The following PCDHA1 variants were observed in gnomAD, a reference collection of about 807,000 sequenced individuals.
PCDHA1 encodes protocadherin alpha 1.
Under a neutral mutation model 61.3 loss-of-function variants are expected in PCDHA1, and 42 were observed. The observed-to-expected ratio is 0.69, with a 90% CI of 0.54 to 0.89. PCDHA1 has a LOEUF of 0.89. Among genes scored for constraint, PCDHA1 ranks in the 40% least tolerant of loss-of-function variants. The pLI is 0.00. For missense variants in PCDHA1, 1,256 were observed against 1,235.3 expected (o/e 1.02, Z -0.25); for synonymous variants, 610 against 553.8 (o/e 1.10, Z -1.43).
rs540789660 is a variant in PCDHA1 at position 140,802,461 on chromosome 5, G to T, written c.2394+13777G>T. On this transcript the variant is annotated intron_variant, in intron 1 of 3. Transcript: ENST00000504120. The stretch of plus-strand genomic sequence containing the variant: ...GGACCGCGAGAGCGTGTCGGCCTAT[G>T]AGCTGGTGGTGACTGCTCGGGACGG... The T allele has an allele frequency of 5.0e-6, 8 of 1,614,214 alleles. No individual in the cohort carries two copies. In the African/African-American group the frequency reaches 1.1e-4, roughly 22 times the overall value.
At chr5:140,870,590 G>A (rs1238282556) in intron 1 of PCDHA1, 3 of 1,613,446 alleles carry the variant, frequency 1.9e-6, no homozygotes, top group Non-Finnish European at 2.5e-6. Flanking sequence ...CTGGTGGAGC[G>A]GCGGTTGGGC....
At position 140,853,803 on chromosome 5, in the gene PCDHA1, C is replaced by T. The variant is rs574954325; in HGVS notation, c.2394+65119C>T. ...GTAAGAGCAAATTTTCATTTTAAAG[C>T]ACACCTGAGATGATTCTCATACAAC... On this transcript the variant is annotated intron_variant, in intron 1 of 3. Transcript: ENST00000504120. 88 of 986,658 alleles carry T rather than the reference C, an allele frequency of 8.9e-5. 10 individuals are homozygous for T. The highest frequency in any genetic ancestry group is 1.9e-4 in the South Asian group (4 of 21,086). The allele number at this position is 986,658 out of a possible 1,614,324, so 61.1% of individuals were successfully genotyped here. A position where few individuals can be genotyped will look rare whatever the true frequency, so the allele number is the denominator to read the frequency against.
intron 1 of PCDHA1, among the ~76,000 whole-genome samples, chr5:140,872,243 T>A (rs1484959006): frequency 6.6e-6 from 1 of 152,192 alleles, no homozygotes; most frequent in African/African-American, 2.4e-5. Flanking sequence ...TCTTTATTCC[T>A]GTGATAATAC....
chr5:140,877,005 C>G, intron 1 of PCDHA1: 1 of 1,612,474 alleles, frequency 6.2e-7, no homozygotes, highest in Non-Finnish European at 8.5e-7. Context: ...TGTCGGTGCA[C>G]GCGGAGAGCG....
At chr5:140,942,618 G>A (rs2093340526) in intron 1 of PCDHA1, among the ~76,000 whole-genome samples, 1 of 97,740 alleles carries the variant, frequency 1.0e-5, no homozygotes. Context: ...TTTGCCAATT[G>A]TAAAAAAAAA....
At chr5:140,979,083 C>T (rs563728648) in intron 2 of PCDHA1, 76 bp downstream of exon 2, 207 of 1,562,578 alleles carry the variant, frequency 1.3e-4, no homozygotes, top group Admixed American at 6.5e-4. Context: ...TCTCCATAGG[C>T]CAGAAGCAGC....
rs199746737 is a variant in PCDHA1 at position 140,822,067 on chromosome 5, A to T, written c.2394+33383A>T. 1.9e-4 allele frequency: 311 copies of T among 1,614,078 alleles called. No individual in the cohort carries two copies. Among genetic ancestry groups the T allele is most frequent in the Non-Finnish European group, 2.4e-4 (286 of 1,180,038 alleles). On this transcript the variant is annotated intron_variant, in intron 1 of 3. Transcript: ENST00000504120. ...CGACCGGGAGGAGCTGTGCCGGCGGAGGGCGGAGTGCAGCATCCACCTGGA... is the reference window on the plus strand; with the variant it reads ...CGACCGGGAGGAGCTGTGCCGGCGGTGGGCGGAGTGCAGCATCCACCTGGA...
chr5:140,884,457 G>A, intron 1 of PCDHA1: 1 of 1,613,758 alleles, frequency 6.2e-7, no homozygotes, highest in Non-Finnish European at 8.5e-7. Flanking sequence ...CCCACCGAGG[G>A]CGCGTGCGCG....
intron 3 of PCDHA1, among the ~76,000 whole-genome samples, chr5:140,984,053 TC>T (rs2097083610): frequency 6.6e-6 from 1 of 152,154 alleles, no homozygotes; most frequent in Non-Finnish European, 1.5e-5. Flanking sequence ...CATTGACAAA[TC>T]TGTACCCTCA....
In PCDHA1 at chr5:140,842,663, G is replaced by A. The variant is rs2150341486; in HGVS notation, c.2394+53979G>A. The A allele has an allele frequency of 3.4e-5, 54 of 1,595,410 alleles. 5 individuals are homozygous for A. Among genetic ancestry groups the A allele is most frequent in the South Asian group, 1.5e-4 (14 of 90,476 alleles). ...CAGCTTGTCTGTGGAGGTGGCCGAC[G>A]TGAACGACAATGCTCCGGCGTTCGC... On this transcript the variant is annotated intron_variant, in intron 1 of 3. Transcript: ENST00000504120.
At chr5:140,807,790 C>G in intron 1 of PCDHA1, 1 of 1,614,150 alleles carries the variant, frequency 6.2e-7, no homozygotes, top group Non-Finnish European at 8.5e-7. Flanking sequence ...AATCTTTAGA[C>G]AGAGAAGAAG....
At chr5:140,989,105 T>G (rs550881823) in intron 3 of PCDHA1, 2 of 152,232 alleles carry the variant, frequency 1.3e-5, no homozygotes, top group African/African-American at 4.8e-5. Flanking sequence ...GAAACAACTT[T>G]TGAATATATC....
At chr5:140,803,585 A>G in intron 1 of PCDHA1, 8 of 1,614,244 alleles carry the variant, frequency 5.0e-6, no homozygotes, top group Non-Finnish European at 6.8e-6. Flanking sequence ...TTGATCTCTC[A>G]GCCAAAGTGA....
chr5:140,859,358 A>G (rs1470133461), intron 1 of PCDHA1: 1 of 254,184 alleles, frequency 3.9e-6, no homozygotes, highest in Non-Finnish European at 7.4e-6. Context: ...CTGATCTGAT[A>G]TATTGTATAG....
rs375481139 is a variant in PCDHA1 at position 140,894,977 on chromosome 5, C to T, written c.2395-83972C>T. ...AAAAATATAATTTTTTAATGTCTTA[C>T]TTTGTGACATCCTTTACCCTTTTTA... On this transcript the variant is annotated intron_variant, in intron 1 of 3. Coordinates refer to ENST00000504120, the MANE Select transcript of PCDHA1 (RefSeq NM_018900.4). Among the ~76,000 whole-genome samples the T allele has an allele frequency of 4.5e-4, 69 of 152,216 alleles. No homozygotes were observed. The South Asian group carries it at 0.014, about 30-fold the overall frequency.
intron 1 of PCDHA1, chr5:140,882,011 ATAC>A (rs1437092618): frequency 3.8e-6 from 2 of 531,314 alleles, no homozygotes; most frequent in Admixed American, 3.8e-5. Flanking sequence ...GGGCAAAAAA[ATAC>A]TACATCAATG....
intron 1 of PCDHA1, among the ~76,000 whole-genome samples, chr5:140,917,324 C>CGGGGGG (rs1299895515): frequency 3.9e-5 from 3 of 76,174 alleles, no homozygotes; most frequent in East Asian, 7.2e-4. Flanking sequence ...GTTCATGTGG[C>CGGGGGG]GGGGGAGGGG....
Position 141,010,554 on chromosome 5 carries a change from C to G in PCDHA1, c.*617C>G. On this transcript the variant is annotated 3_prime_UTR_variant, in exon 4 of 4. Transcript: ENST00000504120. ...CACCCTCTAGGAGACAAAACTACCC[C>G]CACTGACAAGGCTTTAGGAGACCCT... The G allele has an allele frequency of 3.1e-6, 1 of 322,198 alleles. No individual in the cohort carries two copies. The highest frequency in any genetic ancestry group is 9.3e-4 in the Middle Eastern group (1 of 1,074). 20.0% of individuals were successfully genotyped at this position (322,198 alleles called of 1,614,324 possible).
At chr5:140,987,045 C>G (rs1344958949) in intron 3 of PCDHA1, among the ~76,000 whole-genome samples, 1 of 151,982 alleles carries the variant, frequency 6.6e-6, no homozygotes, top group Non-Finnish European at 1.5e-5. Flanking sequence ...GAAACCCCAT[C>G]TCTACTAAAG....
Sources: gnomAD v4.1 joint callset for allele counts (sites outside exome capture counted in the v4.1 genomes callset) on GRCh38, gnomAD v4.1.1 for gene constraint, MANE v1.5 for transcripts, NCBI Gene and HGNC (gene_info 2026-07-23, HGNC 2026-07-21) for gene names.